HIBADH: variants seen among roughly 807,000 people sequenced by gnomAD.
HIBADH encodes 3-hydroxyisobutyrate dehydrogenase, also known as 3-hydroxyisobutyrate dehydrogenase, mitochondrial.
A neutral mutation model predicts 36.1 loss-of-function variants in HIBADH; 25 were observed. The ratio of observed to expected loss-of-function variants is 0.69; its 90% CI spans 0.50 to 0.97. The LOEUF (loss-of-function observed/expected upper bound fraction) is 0.97, where lower values mean the gene tolerates loss of function less well. HIBADH is among the 50% of genes least tolerant of loss of function. The pLI is 0.00. For synonymous variants in HIBADH, 160 were observed against 149.5 expected (o/e 1.07, Z -0.51); for missense variants, 421 against 418.0 (o/e 1.01, Z -0.06).
At chr7:27,579,371 TAGC>T (rs149429152) in intron 4 of HIBADH, among the ~76,000 whole-genome samples, 1 of 152,260 alleles carries the variant, frequency 6.6e-6, no homozygotes, top group East Asian at 1.9e-4. Flanking sequence ...AATAATTACA[TAGC>T]AGAGCACTGA....
At chr7:27,584,771 C>G (rs1256692598) in intron 4 of HIBADH, among the ~76,000 whole-genome samples, 1 of 151,990 alleles carries the variant, frequency 6.6e-6, no homozygotes, top group African/African-American at 2.4e-5. Flanking sequence ...AATGCTTCAT[C>G]AAGGAACATT....
rs192724299 is a variant in HIBADH at position 27,620,037 on chromosome 7, C to A, written c.484+9334G>T. Reference sequence around the variant, plus strand: ...TTAATCAGACTGTCTAAAGTCGAATCCAGCAGGATATGGTAGCTCACTCCT... The same window carrying A: ...TTAATCAGACTGTCTAAAGTCGAATACAGCAGGATATGGTAGCTCACTCCT... On this transcript the variant is annotated intron_variant, in intron 4 of 7. Coordinates refer to ENST00000265395, the MANE Select transcript of HIBADH (RefSeq NM_152740.4). Among the ~76,000 whole-genome samples the A allele has an allele frequency of 1.4e-4, 22 of 152,296 alleles. 1 individual carries two copies. The South Asian group carries it at 4.4e-3, about 30-fold the overall frequency.
chr7:27,600,573 A>T (rs1391735939), intron 4 of HIBADH, among the ~76,000 whole-genome samples: 1 of 152,126 alleles, frequency 6.6e-6, no homozygotes, highest in Non-Finnish European at 1.5e-5. Context: ...TATATTTTCA[A>T]AAGTAATTTT....
chr7:27,526,211 C>A lies in HIBADH; in HGVS notation c.*3G>T. 6.2e-7 allele frequency: 1 copy of A among 1,603,860 alleles called. No individual in the cohort carries two copies. Among genetic ancestry groups the A allele is most frequent in the Non-Finnish European group, 8.5e-7 (1 of 1,175,622 alleles). On this transcript the variant is annotated 3_prime_UTR_variant, in exon 8 of 8. Transcript: ENST00000265395. ...CAACAGTGTCCGTGGCCAAAGGGCA[C>A]ACTCAGAAGGTCTCCTCCTCTCGTA... is the stretch of plus-strand genomic sequence containing the variant.
intron 4 of HIBADH, among the ~76,000 whole-genome samples, chr7:27,567,048 T>A (rs755091452): frequency 2.6e-5 from 4 of 152,196 alleles, no homozygotes; most frequent in African/African-American, 7.2e-5. Context: ...GTTCATTTGA[T>A]TGACGATGTT....
intron 4 of HIBADH, among the ~76,000 whole-genome samples, chr7:27,619,104 G>A (rs1472993028): frequency 1.3e-5 from 2 of 152,126 alleles, no homozygotes; most frequent in East Asian, 1.9e-4. Flanking sequence ...CCTGAACACT[G>A]GCCTACCTGG....
At chr7:27,597,750 A>G (rs1027849805) in intron 4 of HIBADH, among the ~76,000 whole-genome samples, 2 of 152,200 alleles carry the variant, frequency 1.3e-5, no homozygotes, top group African/African-American at 4.8e-5. Context: ...TAACTACTGA[A>G]GGAAAGAATA....
chr7:27,572,701 A>T (rs1024438878), intron 4 of HIBADH, among the ~76,000 whole-genome samples: 1 of 152,132 alleles, frequency 6.6e-6, no homozygotes, highest in Non-Finnish European at 1.5e-5. Flanking sequence ...AATATCTCAT[A>T]AAAATATTTA....
rs772525885 is a variant in HIBADH at position 27,543,055 on chromosome 7, C to A, written c.530G>T (p.Gly177Val). ...RSGNLTFMVGGVEDEFAAAQE... is the reference protein window; with the variant it reads ...RSGNLTFMVGVVEDEFAAAQE... ...GGCAGCAGCAAATTCATCTTCAACT[C>A]CTCCCACCATAAACGTGAGGTTCCC... Residue 177 changes from glycine to valine, a missense_variant, in exon 5 of 8, where the codon GGA becomes GTA. Gly to Val is a moderately radical substitution (Grantham distance 109). Coordinates refer to ENST00000265395, the MANE Select transcript of HIBADH (RefSeq NM_152740.4). 6.2e-7 allele frequency: 1 copy of A among 1,613,622 alleles called. No homozygotes were observed. The highest frequency in any genetic ancestry group is 1.3e-5 in the African/African-American group (1 of 74,894).
chr7:27,654,372 T>G (rs560165295), intron 1 of HIBADH, among the ~76,000 whole-genome samples: 1 of 151,966 alleles, frequency 6.6e-6, no homozygotes, highest in Non-Finnish European at 1.5e-5. Flanking sequence ...ACAAACCCCA[T>G]GCATCCAAGG....
intron 1 of HIBADH, among the ~76,000 whole-genome samples, chr7:27,652,588 T>G (rs1435942145): frequency 6.6e-6 from 1 of 152,222 alleles, no homozygotes; most frequent in Non-Finnish European, 1.5e-5. Context: ...AACGAACACT[T>G]ATTTCTCACA....
chr7:27,603,424 T>C (rs1272953734), intron 4 of HIBADH, among the ~76,000 whole-genome samples: 1 of 152,180 alleles, frequency 6.6e-6, no homozygotes, highest in East Asian at 1.9e-4. Flanking sequence ...TCCTAAGGGA[T>C]ATAAAAAGAT....
chr7:27,577,164 C>CTTTTTTTT (rs35467427), intron 4 of HIBADH, among the ~76,000 whole-genome samples: 6 of 143,888 alleles, frequency 4.2e-5, no homozygotes, highest in Admixed American at 7.0e-5. Flanking sequence ...CATCATTTCT[C>CTTTTTTTT]TCTTTTTTTT....
intron 4 of HIBADH, among the ~76,000 whole-genome samples, chr7:27,565,909 T>C (rs955187605): frequency 2.0e-5 from 3 of 152,202 alleles, no homozygotes; most frequent in African/African-American, 7.2e-5. Context: ...ATACATACAT[T>C]ATATTCTGTA....
intron 1 of HIBADH, among the ~76,000 whole-genome samples, chr7:27,655,358 T>C (rs1337974085): frequency 3.3e-5 from 5 of 152,240 alleles, no homozygotes; most frequent in African/African-American, 9.6e-5. Context: ...AGATTCATGC[T>C]GAAGCATTAG....
rs949087233 is a variant in HIBADH at position 27,649,358 on chromosome 7, A to G, written c.252+115T>C. ...ATGATTACATATATATAAAATTAAC[A>G]CTGAATTAGGTTTACAACTCCATTG... On this transcript the variant is annotated intron_variant, in intron 2 of 7. Transcript: ENST00000265395. The G allele has an allele frequency of 2.9e-5, 21 of 716,456 alleles. No individual in the cohort carries two copies. In the South Asian group the frequency reaches 5.8e-4, roughly 20 times the overall value. The allele number at this position is 716,456 out of a possible 1,614,324, so 44.4% of individuals were successfully genotyped here. A position where few individuals can be genotyped will look rare whatever the true frequency, so the allele number is the denominator to read the frequency against.
Position 27,649,185 on chromosome 7 carries a change from A to T in HIBADH, c.252+288T>A, listed in dbSNP as rs565621719. 5.1e-4 allele frequency: 123 copies of T among 240,514 alleles called. 1 individual carries two copies. The Middle Eastern group carries it at 8.3e-3, about 16-fold the overall frequency. 14.9% of individuals were successfully genotyped at this position (240,514 alleles called of 1,614,324 possible). A position where few individuals can be genotyped will look rare whatever the true frequency, so the allele number is the denominator to read the frequency against. On this transcript the variant is annotated intron_variant, in intron 2 of 7. Transcript: ENST00000265395. ...TAACTACTTTAACAGCACAATCAGT[A>T]AAGTTACTATCTCAGAAAACTGATA...
intron 1 of HIBADH, among the ~76,000 whole-genome samples, chr7:27,651,818 A>T (rs1035411184): frequency 3.3e-5 from 5 of 152,198 alleles, no homozygotes; most frequent in Non-Finnish European, 7.3e-5. Flanking sequence ...CATGTACATA[A>T]ACACTAACAT....
chr7:27,661,268 G>A (rs570556758), intron 1 of HIBADH, among the ~76,000 whole-genome samples: 28 of 152,194 alleles, frequency 1.8e-4, no homozygotes, highest in African/African-American at 5.8e-4. Context: ...TTCACTGAGG[G>A]GGAGAATGGG....
Sources: gnomAD v4.1 joint callset for allele counts (sites outside exome capture counted in the v4.1 genomes callset) on GRCh38, gnomAD v4.1.1 for gene constraint, MANE v1.5 for transcripts, NCBI Gene and HGNC (gene_info 2026-07-23, HGNC 2026-07-21) for gene names.